The following CWC27 variants were observed in gnomAD, a reference collection of about 807,000 sequenced individuals.
The protein encoded by CWC27 is CWC27 spliceosome associated cyclophilin.
CWC27 carries 47 observed loss-of-function variants against 63.6 expected under a neutral mutation model. The ratio of observed to expected loss-of-function variants is 0.74; its 90% CI spans 0.58 to 0.94. CWC27 has a LOEUF of 0.94. CWC27 is among the 40% of genes least tolerant of loss of function. The pLI, the probability that CWC27 is intolerant of heterozygous loss-of-function variation, is 0.00. For missense variants in CWC27, 495 were observed against 554.3 expected (o/e 0.89, Z 1.07); for synonymous variants, 175 against 179.8 (o/e 0.97, Z 0.22).
chr5:64,822,715 A>G (rs1202224407), intron 10 of CWC27, among the ~76,000 whole-genome samples: 1 of 152,208 alleles, frequency 6.6e-6, no homozygotes, highest in Admixed American at 6.5e-5. Flanking sequence ...AAACATATTA[A>G]TAGATTAATT....
At chr5:64,850,267 A>G (rs1746103828) in intron 10 of CWC27, among the ~76,000 whole-genome samples, 1 of 148,700 alleles carries the variant, frequency 6.7e-6, no homozygotes, top group Non-Finnish European at 1.5e-5. Context: ...CATAATAGAA[A>G]ACTCAGAAAC....
At chr5:64,960,631 T>C (rs1748889587) in intron 11 of CWC27, among the ~76,000 whole-genome samples, 1 of 152,202 alleles carries the variant, frequency 6.6e-6, no homozygotes, top group African/African-American at 2.4e-5. Context: ...CCATCAAGTC[T>C]ATTTTGTTAA....
chr5:65,004,408 G>GC (rs58781479), intron 13 of CWC27, among the ~76,000 whole-genome samples: 2 of 144,840 alleles, frequency 1.4e-5, no homozygotes, highest in Non-Finnish European at 3.0e-5. Flanking sequence ...TGGTGGGGGG[G>GC]TGGTCTGATT....
chr5:64,803,690 T>TG (rs1561414285), intron 9 of CWC27, among the ~76,000 whole-genome samples: 1 of 152,182 alleles, frequency 6.6e-6, no homozygotes, highest in African/African-American at 2.4e-5. Flanking sequence ...TGGCTAGTGT[T>TG]GGTGGGCTGG....
chr5:64,923,994 A>G (rs1225770940), intron 11 of CWC27, among the ~76,000 whole-genome samples: 3 of 151,838 alleles, frequency 2.0e-5, no homozygotes, highest in Non-Finnish European at 2.9e-5. Context: ...AGACAATCTT[A>G]TACACTTTTT....
At chr5:64,914,533 T>C (rs777864451) in intron 11 of CWC27, among the ~76,000 whole-genome samples, 7 of 152,136 alleles carry the variant, frequency 4.6e-5, no homozygotes, top group Non-Finnish European at 1.0e-4. Context: ...AGAAAATTTG[T>C]CCAACTTCAT....
chr5:64,800,196 T>C (rs1425132886), intron 7 of CWC27, 52 bp from the exon 8 acceptor site: 1 of 1,210,878 alleles, frequency 8.3e-7, no homozygotes, highest in South Asian at 1.3e-5. Flanking sequence ...ACTTGTTATT[T>C]AGGAATACTG....
chr5:64,914,664 G>A (rs1580723815), intron 11 of CWC27, among the ~76,000 whole-genome samples: 2 of 152,192 alleles, frequency 1.3e-5, no homozygotes, highest in African/African-American at 4.8e-5. Context: ...CTCTGGTGTC[G>A]GGAGTGTAAA....
At chr5:64,821,213 T>C (rs1745188274) in intron 10 of CWC27, among the ~76,000 whole-genome samples, 1 of 151,686 alleles carries the variant, frequency 6.6e-6, no homozygotes, top group South Asian at 2.1e-4. Context: ...GCCTCCCAAG[T>C]AGCTGGGATT....
rs371261961 is a variant in CWC27 at position 64,885,510 on chromosome 5, G to A, written c.1006G>A (p.Glu336Lys). ...ELLAAKQKKV[E>K]NAAKQAEKRS... ...CTTAGCAGCAAAACAAAAAAAAGTA[G>A]AAAATGCAGCAAAACAAGCAGAAAA... The change falls in exon 11 of 14, where the codon GAA (glutamate) becomes AAA (lysine). Residue 336 changes from glutamate (E) to lysine (K), a missense_variant. Glu to Lys is a moderately conservative substitution (Grantham distance 56, BLOSUM62 1). Coordinates refer to ENST00000381070, the MANE Select transcript of CWC27 (RefSeq NM_005869.4). 255 of 1,606,346 alleles carry A rather than the reference G, an allele frequency of 1.6e-4. 1 individual carries two copies. The highest frequency in any genetic ancestry group is 2.1e-4 in the Non-Finnish European group (245 of 1,176,248).
intron 11 of CWC27, among the ~76,000 whole-genome samples, chr5:64,955,743 A>G (rs956837026): frequency 1.3e-5 from 2 of 152,194 alleles, no homozygotes; most frequent in Non-Finnish European, 2.9e-5. Context: ...TGAAAAAAAA[A>G]GTCAAGAGTG....
intron 11 of CWC27, among the ~76,000 whole-genome samples, chr5:64,896,339 A>G (rs1188681286): frequency 5.3e-5 from 8 of 152,226 alleles, no homozygotes; most frequent in Non-Finnish European, 1.0e-4. Context: ...CAGATGTAAG[A>G]CCTATAATAC....
At chr5:64,796,584 TA>T (rs1418598994) in intron 7 of CWC27, among the ~76,000 whole-genome samples, 13 of 152,000 alleles carry the variant, frequency 8.6e-5, no homozygotes, top group Admixed American at 8.5e-4. Flanking sequence ...TAATCATATC[TA>T]AAAAAATATT....
chr5:64,835,114 T>C (rs1292038319), intron 10 of CWC27, among the ~76,000 whole-genome samples: 1 of 151,850 alleles, frequency 6.6e-6, no homozygotes, highest in African/African-American at 2.4e-5. Flanking sequence ...GTAATTTTAT[T>C]TATTTTTGTG....
At chr5:64,939,087 G>A (rs902441930) in intron 11 of CWC27, among the ~76,000 whole-genome samples, 3 of 151,948 alleles carry the variant, frequency 2.0e-5, no homozygotes, top group Non-Finnish European at 4.4e-5. Context: ...GTTATTACCC[G>A]CCTTCTGAAG....
At chr5:64,889,925 G>A (rs1747185186) in intron 11 of CWC27, among the ~76,000 whole-genome samples, 1 of 152,014 alleles carries the variant, frequency 6.6e-6, no homozygotes, top group Non-Finnish European at 1.5e-5. Flanking sequence ...AGATAGAGTT[G>A]GTTTCCTGTC....
intron 10 of CWC27, among the ~76,000 whole-genome samples, chr5:64,849,853 G>T (rs962525786): frequency 1.3e-5 from 2 of 151,846 alleles, no homozygotes; most frequent in Non-Finnish European, 2.9e-5. Context: ...CTTTTCCTTT[G>T]CCTTCTGCCA....
At chr5:64,825,449 A>G (rs1010897847) in intron 10 of CWC27, among the ~76,000 whole-genome samples, 8 of 152,176 alleles carry the variant, frequency 5.3e-5, no homozygotes, top group Admixed American at 5.2e-4. Flanking sequence ...TATGTTATTA[A>G]AAGTCCTTGA....
At chr5:64,853,277 T>C (rs1746179622) in intron 10 of CWC27, among the ~76,000 whole-genome samples, 1 of 152,196 alleles carries the variant, frequency 6.6e-6, no homozygotes, top group African/African-American at 2.4e-5. Flanking sequence ...TCTTTTGACT[T>C]GAATCATGAA....
Sources: allele counts gnomAD v4.1 joint callset (sites outside exome capture counted in the v4.1 genomes callset), GRCh38; gene constraint gnomAD v4.1.1; transcripts MANE v1.5; gene names NCBI Gene and HGNC (gene_info 2026-07-23, HGNC 2026-07-21).